The following CDH11 variants were observed in gnomAD, a reference collection of about 807,000 sequenced individuals.
CDH11 encodes the protein cadherin-11.
CDH11 carries 11 observed loss-of-function variants against 67.8 expected under a neutral mutation model. The ratio of observed to expected loss-of-function variants is 0.16; its 90% CI spans 0.10 to 0.27. The LOEUF (loss-of-function observed/expected upper bound fraction) is 0.27. Ranked by LOEUF, CDH11 falls within the 10% of genes least tolerant of loss-of-function variation. The pLI, the probability that CDH11 is intolerant of heterozygous loss-of-function variation, is 1.00. For synonymous variants in CDH11, 419 were observed against 400.0 expected (o/e 1.05, Z -0.57); for missense variants, 847 against 1,031.2 (o/e 0.82, Z 2.45).
chr16:65,011,455 TA>T (rs1049891374), intron 2 of CDH11, among the ~76,000 whole-genome samples: 15 of 152,170 alleles, frequency 9.9e-5, no homozygotes, highest in African/African-American at 3.6e-4. Context: ...TTTACATTCT[TA>T]GGGTCTCATG....
At chr16:65,033,736 C>CTAAAA (rs59225853) in intron 2 of CDH11, among the ~76,000 whole-genome samples, 60,770 of 141,344 alleles carry the variant, frequency 0.43, 14,194 homozygotes, top group African/African-American at 0.61. Context: ...GACTCCATCT[C>CTAAAA]TAAAATAAAA....
At position 64,998,792 on chromosome 16, in the gene CDH11, C is replaced by T. The variant is rs2142511363; in HGVS notation, c.293G>A (p.Gly98Glu). 6.2e-7 allele frequency: 1 copy of T among 1,614,048 alleles called. No individual in the cohort carries two copies. The highest frequency in any genetic ancestry group is 1.7e-5 in the Admixed American group (1 of 60,002). Residue 98 changes from glycine (G) to glutamate (E), a missense_variant, in exon 4 of 13, where the codon GGA (glycine) becomes GAA (glutamate). Physicochemically the swap from Gly to Glu is moderately conservative, Grantham distance 98 (BLOSUM62 -2). Coordinates refer to ENST00000268603, the MANE Select transcript of CDH11 (RefSeq NM_001797.4). ...TTTGTCATCAATCACAAAAATGGTTCCAGCTCCTTCCCCTGAGAGAATGTA... is the reference window on the plus strand; with the variant it reads ...TTTGTCATCAATCACAAAAATGGTTTCAGCTCCTTCCCCTGAGAGAATGTA... ...IKYILSGEGA[G>E]TIFVIDDKSG...
At position 64,945,886 on chromosome 16, in the gene CDH11, C is replaced by A; in HGVS notation, c.*1717G>T. 1.9e-6 allele frequency: 2 copies of A among 1,057,156 alleles called. No individual in the cohort carries two copies. The highest frequency in any genetic ancestry group is 2.3e-6 in the Non-Finnish European group (2 of 874,292). 65.5% of individuals were successfully genotyped at this position (1,057,156 alleles called of 1,614,324 possible). A position where few individuals can be genotyped will look rare whatever the true frequency, so the allele number is the denominator to read the frequency against. On this transcript the variant is annotated 3_prime_UTR_variant, in exon 13 of 13. Coordinates refer to ENST00000268603, the MANE Select transcript of CDH11 (RefSeq NM_001797.4). ...ATTGTCTGCAATCCAAGAAAAAGCA[C>A]GTGCCCTGTGTGTAGGGGGAAAGAG...
At chr16:65,005,458 T>G (rs962894173) in intron 2 of CDH11, among the ~76,000 whole-genome samples, 2 of 152,052 alleles carry the variant, frequency 1.3e-5, no homozygotes, top group Non-Finnish European at 2.9e-5. Flanking sequence ...TTTAGTGAGG[T>G]TGCTGTAATA....
intron 1 of CDH11, among the ~76,000 whole-genome samples, chr16:65,075,217 A>G (rs1280470165): frequency 6.6e-6 from 1 of 152,238 alleles, no homozygotes; most frequent in Non-Finnish European, 1.5e-5. Flanking sequence ...GCTCTCAGTC[A>G]TGCCTTTAAT....
At chr16:65,110,624 ATGTGTG>A (rs57316241) in intron 1 of CDH11, among the ~76,000 whole-genome samples, 15,073 of 135,612 alleles carry the variant, frequency 0.11, 795 homozygotes, top group Non-Finnish European at 0.14. Context: ...ATGGCCAATG[ATGTGTG>A]TGTGTGTGTG....
chr16:65,033,937 A>C (rs1483638462), intron 2 of CDH11, among the ~76,000 whole-genome samples: 1 of 152,152 alleles, frequency 6.6e-6, no homozygotes, highest in Non-Finnish European at 1.5e-5. Flanking sequence ...TGAGAAAGAC[A>C]CTTACACTTG....
chr16:65,072,869 C>T (rs2074442040), intron 1 of CDH11, among the ~76,000 whole-genome samples: 1 of 152,196 alleles, frequency 6.6e-6, no homozygotes. Flanking sequence ...CACCTCACTG[C>T]TAAAATGGAG....
At chr16:65,088,915 G>A (rs1334537159) in intron 1 of CDH11, among the ~76,000 whole-genome samples, 1 of 152,138 alleles carries the variant, frequency 6.6e-6, no homozygotes, top group Non-Finnish European at 1.5e-5. Flanking sequence ...AGGTCAGAAT[G>A]AATAGTATTA....
chr16:65,024,709 T>TAGC (rs2073497574), intron 2 of CDH11, among the ~76,000 whole-genome samples: 1 of 152,174 alleles, frequency 6.6e-6, no homozygotes, highest in Non-Finnish European at 1.5e-5. Context: ...GCAAAGAATA[T>TAGC]AGCGCTGGGC....
intron 11 of CDH11, among the ~76,000 whole-genome samples, chr16:64,963,696 T>A (rs1369745481): frequency 1.3e-5 from 2 of 151,868 alleles, no homozygotes; most frequent in East Asian, 3.9e-4. Context: ...TTAAAAATGC[T>A]GAAAGAGGTC....
At chr16:65,078,417 G>A (rs2074553442) in intron 1 of CDH11, among the ~76,000 whole-genome samples, 1 of 152,138 alleles carries the variant, frequency 6.6e-6, no homozygotes, top group South Asian at 2.1e-4. Flanking sequence ...TGACAGGAAA[G>A]CTTTAGAATT....
At chr16:65,035,656 A>G (rs1215459642) in intron 2 of CDH11, among the ~76,000 whole-genome samples, 1 of 152,224 alleles carries the variant, frequency 6.6e-6, no homozygotes, top group Non-Finnish European at 1.5e-5. Flanking sequence ...AGCAATCACA[A>G]TAATAATTCA....
intron 2 of CDH11, among the ~76,000 whole-genome samples, chr16:65,009,596 C>A (rs1465706754): frequency 6.6e-6 from 1 of 152,004 alleles, no homozygotes; most frequent in Non-Finnish European, 1.5e-5. Flanking sequence ...CCTAAGGAGA[C>A]CTTGATGTTG....
intron 1 of CDH11, among the ~76,000 whole-genome samples, chr16:65,081,297 T>C (rs766643601): frequency 2.3e-4 from 35 of 152,230 alleles, no homozygotes; most frequent in Admixed American, 4.6e-4. Flanking sequence ...GGCTGGGCGC[T>C]GGGGCTCACG....
intron 2 of CDH11, among the ~76,000 whole-genome samples, chr16:65,046,918 G>A (rs2073970977): frequency 6.6e-6 from 1 of 152,108 alleles, no homozygotes; most frequent in Non-Finnish European, 1.5e-5. Context: ...GACCAGCCTG[G>A]CCGATGTAGC....
At chr16:65,032,850 T>C (rs1488114915) in intron 2 of CDH11, among the ~76,000 whole-genome samples, 1 of 152,158 alleles carries the variant, frequency 6.6e-6, no homozygotes, top group Non-Finnish European at 1.5e-5. Flanking sequence ...TTTTACAAAA[T>C]CATTCATCAA....
Position 65,056,618 on chromosome 16 carries a change from C to T in CDH11, c.-297-2690G>A, listed in dbSNP as rs143050370. ...ATATAACCATCCTGGGTATTATGAA[C>T]GCCATCTCACCCTACAACACAAAAA... is the stretch of plus-strand genomic sequence containing the variant. On this transcript the variant is annotated intron_variant, in intron 1 of 12. Transcript: ENST00000268603. Among the ~76,000 whole-genome samples, 146 of 152,250 alleles carry T rather than the reference C, an allele frequency of 9.6e-4. 4 individuals are homozygous for T. In the East Asian group the frequency reaches 0.027, roughly 28 times the overall value.
chr16:65,037,889 C>A (rs1168366420), intron 2 of CDH11, among the ~76,000 whole-genome samples: 3 of 152,156 alleles, frequency 2.0e-5, no homozygotes. Flanking sequence ...AGAAGCCAGG[C>A]ATCCCCACTC....
Sources: gnomAD v4.1 joint callset for allele counts (sites outside exome capture counted in the v4.1 genomes callset) on GRCh38, gnomAD v4.1.1 for gene constraint, MANE v1.5 for transcripts, NCBI Gene and HGNC (gene_info 2026-07-23, HGNC 2026-07-21) for gene names.